Variants in TPO observed in about 807,000 individuals in gnomAD.
The protein encoded by TPO is thyroid microsomal antigen.
A neutral mutation model predicts 96.9 loss-of-function variants in TPO; 78 were observed. The observed-to-expected ratio is 0.81, with a 90% CI of 0.67 to 0.97. TPO has a LOEUF of 0.97. Ranked by LOEUF, TPO falls within the 50% of genes least tolerant of loss-of-function variation. The pLI, the probability that TPO is intolerant of heterozygous loss-of-function variation, is 0.00. For missense variants in TPO, 1,252 were observed against 1,274.8 expected, an observed-to-expected ratio of 0.98 and a Z score of 0.27; for synonymous variants, 547 against 538.0, an observed-to-expected ratio of 1.02 and a Z score of -0.23.
intron 14 of TPO, among the ~76,000 whole-genome samples, chr2:1,509,799 G>A (rs77433403): frequency 2.1e-5 from 2 of 94,230 alleles, no homozygotes; most frequent in Admixed American, 1.2e-4. Flanking sequence ...CAGGGACACC[G>A]CACCTCTTAT....
In TPO at chr2:1,542,595, C is replaced by CTAGTACCATGTCGTAGTTACT. The variant is rs1680889000; in HGVS notation, c.*122_*142dup. The CTAGTACCATGTCGTAGTTACT allele has an allele frequency of 1.3e-6, 2 of 1,559,614 alleles. No homozygotes were observed. The highest frequency in any genetic ancestry group is 1.7e-6 in the Non-Finnish European group (2 of 1,150,910). ...GACTGTTTTCCCAACACGGGTAAAT[C>CTAGTACCATGTCGTAGTTACT]TAGTACCATGTCGTAGTTACTCTCA... On this transcript the variant is annotated 3_prime_UTR_variant, in exon 17 of 17. Transcript: ENST00000329066.
At chr2:1,526,160 AT>A (rs1676443832) in intron 15 of TPO, among the ~76,000 whole-genome samples, 1 of 78,478 alleles carries the variant, frequency 1.3e-5, no homozygotes, top group African/African-American at 5.4e-5. Context: ...AAACCTCCAA[AT>A]CCCCCCACTG....
At chr2:1,531,066 C>A (rs1678047924) in intron 15 of TPO, among the ~76,000 whole-genome samples, 1 of 73,966 alleles carries the variant, frequency 1.4e-5, no homozygotes. Context: ...CCACTATGTG[C>A]AACCTCCTCA....
In TPO at chr2:1,542,432, G is replaced by T. The variant is rs1408798875; in HGVS notation, c.2760G>T (p.Gly920=). 1.2e-6 allele frequency: 2 copies of T among 1,614,098 alleles called. No homozygotes were observed. The highest frequency in any genetic ancestry group is 2.7e-5 in the African/African-American group (2 of 74,950). ...CTGCATTTTTGCAGGAGAGTGCTGGGATGGAAGGCCGGGATACTCACAGGC... is the reference window on the plus strand; with the variant it reads ...CTGCATTTTTGCAGGAGAGTGCTGGTATGGAAGGCCGGGATACTCACAGGC... ...AAQDSEQESA[G]MEGRDTHRLP... The change falls in exon 17 of 17, where the codon GGG becomes GGT. Residue 920 remains glycine (G), a synonymous_variant. Coordinates refer to ENST00000329066, the MANE Select transcript of TPO (RefSeq NM_001206744.2).
intron 1 of TPO, 107 bp from the exon 2 acceptor site, chr2:1,414,301 C>T (rs1193821304): frequency 2.4e-5 from 26 of 1,065,470 alleles, no homozygotes; most frequent in East Asian, 2.1e-4. Context: ...GTAGAGGCTG[C>T]GTGGAGTCAG....
chr2:1,385,062 C>A (rs1183195112), intron 1 of TPO, among the ~76,000 whole-genome samples: 1 of 152,048 alleles, frequency 6.6e-6, no homozygotes, highest in Non-Finnish European at 1.5e-5. Context: ...GGGATGAAGC[C>A]CATTTGATCA....
Position 1,450,413 on chromosome 2 carries a change from G to A in TPO, c.483-3281G>A, listed in dbSNP as rs1347905366. 2.0e-5 allele frequency among the ~76,000 whole-genome samples: 3 copies of A among 152,332 alleles called. No individual in the cohort carries two copies. In the South Asian group the frequency reaches 6.2e-4, roughly 32 times the overall value. ...CCCAGGGAAATCAGAGTGACTCGGA[G>A]CCTCAGCAGGAGCACAGACCTCAGT... On this transcript the variant is annotated intron_variant, in intron 5 of 16. Transcript: ENST00000329066.
At chr2:1,525,012 A>G (rs1676108852) in intron 15 of TPO, among the ~76,000 whole-genome samples, 1 of 97,260 alleles carries the variant, frequency 1.0e-5, no homozygotes, top group Non-Finnish European at 2.0e-5. Flanking sequence ...AACTCTGAGC[A>G]ACCTCGCCAA....
At position 1,519,347 on chromosome 2, in the gene TPO, T is replaced by C. The variant is rs556350836; in HGVS notation, c.2618+2365T>C. 3.3e-5 allele frequency among the ~76,000 whole-genome samples: 5 copies of C among 152,310 alleles called. No individual in the cohort carries two copies. In the East Asian group the frequency reaches 9.6e-4, roughly 29 times the overall value. Reference sequence around the variant, plus strand: ...AGCAGATCCTTGAACCCAAGACCTGTCTGGTGCTGGAGGTCGTGCCACAGC... The same window carrying C: ...AGCAGATCCTTGAACCCAAGACCTGCCTGGTGCTGGAGGTCGTGCCACAGC... On this transcript the variant is annotated intron_variant, in intron 15 of 16. Coordinates refer to ENST00000329066, the MANE Select transcript of TPO (RefSeq NM_001206744.2).
At chr2:1,504,913 A>G (rs4927621) in intron 14 of TPO, among the ~76,000 whole-genome samples, 70,774 of 151,960 alleles carry the variant, frequency 0.47, 16,675 homozygotes, top group South Asian at 0.59. Flanking sequence ...AGAGGTCTCC[A>G]GAAAGAACCA....
At chr2:1,457,665 A>G (rs936494256) in intron 7 of TPO, among the ~76,000 whole-genome samples, 1 of 151,930 alleles carries the variant, frequency 6.6e-6, no homozygotes, top group Non-Finnish European at 1.5e-5. Context: ...GCACATGCAT[A>G]TATAGCATAT....
intron 1 of TPO, among the ~76,000 whole-genome samples, chr2:1,378,999 GT>G (rs1661765329): frequency 6.6e-6 from 1 of 152,144 alleles, no homozygotes; most frequent in South Asian, 2.1e-4. Context: ...TGAAATGTCT[GT>G]GATAAGCCAA....
intron 13 of TPO, among the ~76,000 whole-genome samples, chr2:1,499,851 C>G (rs1311417520): frequency 6.6e-6 from 1 of 152,222 alleles, no homozygotes; most frequent in Non-Finnish European, 1.5e-5. Flanking sequence ...ATTGCTGAGC[C>G]TCTGTGTGCC....
intron 10 of TPO, among the ~76,000 whole-genome samples, chr2:1,491,180 A>G (rs74701768): frequency 0.012 from 1,867 of 151,534 alleles, 38 homozygotes; most frequent in African/African-American, 0.043. Context: ...AAAAAAAACC[A>G]AAAAAACACT....
intron 15 of TPO, among the ~76,000 whole-genome samples, chr2:1,536,964 T>A (rs1449934118): frequency 1.6e-5 from 1 of 60,886 alleles, no homozygotes; most frequent in Non-Finnish European, 3.0e-5. Flanking sequence ...TCCCCCTGTG[T>A]GCAACCCCCC....
chr2:1,524,489 C>G (rs1675962777), intron 15 of TPO, among the ~76,000 whole-genome samples: 1 of 123,736 alleles, frequency 8.1e-6, no homozygotes, highest in African/African-American at 3.2e-5. Flanking sequence ...GTGCAACCTC[C>G]TCAAATCCTC....
At chr2:1,467,717 A>G (rs1390107202) in intron 7 of TPO, among the ~76,000 whole-genome samples, 1 of 151,952 alleles carries the variant, frequency 6.6e-6, no homozygotes. Context: ...GTTCCAGGGT[A>G]TAGTTTAAAT....
chr2:1,462,517 AACACAC>A (rs35553172), intron 7 of TPO, among the ~76,000 whole-genome samples: 3 of 131,586 alleles, frequency 2.3e-5, no homozygotes, highest in Admixed American at 1.5e-4. Flanking sequence ...TGTGTAGGTA[AACACAC>A]ACACACACAC....
chr2:1,433,051 T>A (rs565541167), intron 3 of TPO, among the ~76,000 whole-genome samples: 34 of 152,234 alleles, frequency 2.2e-4, no homozygotes, highest in Admixed American at 2.2e-3. Context: ...GGCTCTGAGA[T>A]CAGGGCAGGG....
Sources: gnomAD v4.1 joint callset for allele counts (sites outside exome capture counted in the v4.1 genomes callset) on GRCh38, gnomAD v4.1.1 for gene constraint, MANE v1.5 for transcripts, NCBI Gene and HGNC (gene_info 2026-07-23, HGNC 2026-07-21) for gene names.